The following PDZD9 variants were observed in gnomAD, a reference collection of about 807,000 sequenced individuals.
The protein encoded by PDZD9 is PDZ domain-containing protein 9.
A neutral mutation model predicts 16.3 loss-of-function variants in PDZD9; 13 were observed. That is an observed-to-expected ratio of 0.80 (90% CI 0.52 to 1.27). The LOEUF is 1.27. Among genes scored for constraint, PDZD9 ranks in the 50% most tolerant of loss-of-function variants. PDZD9 has a pLI of 0.00. For synonymous variants in PDZD9, 120 were observed against 111.0 expected, an observed-to-expected ratio of 1.08 and a Z score of -0.51; for missense variants, 288 against 310.9, an observed-to-expected ratio of 0.93 and a Z score of 0.55.
At chr16:21,968,372 G>C in the PDZD9 span, 1 of 295,482 alleles carries the variant, frequency 3.4e-6, no homozygotes, top group African/African-American at 2.2e-5. Flanking sequence ...CCTATTTAAA[G>C]TGTACACAAT....
At chr16:21,971,725 C>A in the PDZD9 span, 2 of 1,360,602 alleles carry the variant, frequency 1.5e-6, no homozygotes, top group Non-Finnish European at 2.1e-6. Flanking sequence ...TGAACAGTCT[C>A]GGCATAGAAT....
downstream of PDZD9, among the ~76,000 whole-genome samples, chr16:21,981,927 G>A (rs1898739641): frequency 6.7e-6 from 1 of 148,670 alleles, no homozygotes; most frequent in East Asian, 2.0e-4. Context: ...TACAACCTCC[G>A]CCTCCCGGGT....
intron 1 of PDZD9, 54 bp from the exon 2 acceptor site, chr16:21,996,555 CAT>C: frequency 1.4e-6 from 2 of 1,458,832 alleles, no homozygotes; most frequent in Non-Finnish European, 1.8e-6. Flanking sequence ...GAAGCATGGC[CAT>C]ACCTACTGGG....
chr16:21,957,646 T>C, the PDZD9 span: 1 of 1,539,614 alleles, frequency 6.5e-7, no homozygotes, highest in Non-Finnish European at 8.7e-7. Flanking sequence ...AAGATCAATG[T>C]CTTTATATTT....
At chr16:21,979,444 G>T (rs1292421416), downstream of PDZD9, among the ~76,000 whole-genome samples, 1 of 152,098 alleles carries the variant, frequency 6.6e-6, no homozygotes, top group Admixed American at 6.5e-5. Flanking sequence ...AAATCTAGAT[G>T]GTATAGCCTA....
At chr16:21,980,075 T>G (rs1192770153), downstream of PDZD9, among the ~76,000 whole-genome samples, 1 of 152,220 alleles carries the variant, frequency 6.6e-6, no homozygotes, top group African/African-American at 2.4e-5. Flanking sequence ...GTTAGGTGTA[T>G]TAAATGCACT....
chr16:21,964,649 G>A, the PDZD9 span, among the ~76,000 whole-genome samples: 2 of 152,266 alleles, frequency 1.3e-5, no homozygotes, highest in African/African-American at 4.8e-5. Context: ...CATTCTGTAA[G>A]ATGGATCCCA....
At chr16:21,971,405 T>A in the PDZD9 span, 3 of 784,124 alleles carry the variant, frequency 3.8e-6, no homozygotes, top group South Asian at 5.7e-5. Flanking sequence ...GCAGGAAGAC[T>A]CTTATTTATT....
At chr16:21,975,353 G>A in the PDZD9 span, among the ~76,000 whole-genome samples, 3 of 152,206 alleles carry the variant, frequency 2.0e-5, no homozygotes, top group South Asian at 2.1e-4. Flanking sequence ...GACTGAGGTC[G>A]GGGTCTTAGA....
chr16:21,969,836 C>T, the PDZD9 span, among the ~76,000 whole-genome samples: 1 of 151,852 alleles, frequency 6.6e-6, no homozygotes, highest in Non-Finnish European at 1.5e-5. Flanking sequence ...TTCTCATCTT[C>T]CCCCTGCCTG....
At chr16:21,971,531 G>C in the PDZD9 span, 5 of 1,613,358 alleles carry the variant, frequency 3.1e-6, no homozygotes, top group Non-Finnish European at 4.2e-6. Flanking sequence ...ACAGGTGTGA[G>C]TCATCCTGTT....
intron 1 of PDZD9, chr16:21,999,534 T>C (rs1899237359): frequency 6.6e-6 from 1 of 152,188 alleles, no homozygotes; most frequent in Non-Finnish European, 1.5e-5. Context: ...AGCCCTGCAG[T>C]GAAAAAGCCT....
At position 21,994,883 on chromosome 16, in the gene PDZD9, T is replaced by C. The variant is rs542312435; in HGVS notation, c.211+1439A>G. Among the ~76,000 whole-genome samples, 9 of 152,004 alleles carry C rather than the reference T, an allele frequency of 5.9e-5. No individual in the cohort carries two copies. The South Asian group carries it at 1.9e-3, about 32-fold the overall frequency. ...TCTCACTCTGTTACCCAGGTTGGCATGCAGTGGCACAATCATAGCTCACTA... is the reference window on the plus strand; with the variant it reads ...TCTCACTCTGTTACCCAGGTTGGCACGCAGTGGCACAATCATAGCTCACTA... On this transcript the variant is annotated intron_variant, in intron 2 of 3. Transcript: ENST00000424898.
chr16:21,983,139 T>A (rs1181042683), downstream of PDZD9: 2 of 1,614,086 alleles, frequency 1.2e-6, no homozygotes, highest in Non-Finnish European at 1.7e-6. Context: ...AAGTGGAAAT[T>A]TGGGACATAC....
the PDZD9 span, among the ~76,000 whole-genome samples, chr16:21,972,518 A>C: frequency 6.6e-6 from 1 of 152,286 alleles, no homozygotes; most frequent in African/African-American, 2.4e-5. Flanking sequence ...AACCAAGTGG[A>C]CAAGATGAAC....
At chr16:21,977,681 A>G in the PDZD9 span, among the ~76,000 whole-genome samples, 1 of 152,204 alleles carries the variant, frequency 6.6e-6, no homozygotes, top group Non-Finnish European at 1.5e-5. Context: ...CGCTTAAGAC[A>G]TTTAAGTTTG....
intron 1 of PDZD9, among the ~76,000 whole-genome samples, chr16:21,997,033 G>C (rs1297536408): frequency 6.6e-6 from 1 of 152,026 alleles, no homozygotes; most frequent in Non-Finnish European, 1.5e-5. Flanking sequence ...ATATTGGCCA[G>C]GCTAGTCTTG....
the PDZD9 span, chr16:21,962,974 T>G: frequency 4.9e-5 from 67 of 1,362,780 alleles, no homozygotes; most frequent in African/African-American, 9.3e-4. Flanking sequence ...GCTGTCAAAA[T>G]TTTTATTTTT....
chr16:21,971,661 C>A, the PDZD9 span: 1 of 1,582,334 alleles, frequency 6.3e-7, no homozygotes, highest in Non-Finnish European at 8.7e-7. Context: ...ATCAGAAGGG[C>A]GTTTCCCCAC....
Sources: gnomAD v4.1 joint callset for allele counts (sites outside exome capture counted in the v4.1 genomes callset) on GRCh38, gnomAD v4.1.1 for gene constraint, MANE v1.5 for transcripts, NCBI Gene and HGNC (gene_info 2026-07-23, HGNC 2026-07-21) for gene names.